Variants in SRSF11 observed in about 807,000 individuals in gnomAD.
SRSF11 encodes the protein serine/arginine-rich splicing factor 11.
Under a neutral mutation model 56.0 loss-of-function variants are expected in SRSF11, and 9 were observed. That is an observed-to-expected ratio of 0.16 (90% CI 0.10 to 0.28). SRSF11 has a LOEUF of 0.28. Among genes scored for constraint, SRSF11 ranks in the 10% least tolerant of loss-of-function variants. The pLI is 1.00. For synonymous variants in SRSF11, 222 were observed against 215.3 expected (o/e 1.03, Z -0.27); for missense variants, 421 against 600.7 (o/e 0.70, Z 3.13).
At chr1:70,214,705 G>T (rs1401481855) in intron 1 of SRSF11, among the ~76,000 whole-genome samples, 1 of 152,056 alleles carries the variant, frequency 6.6e-6, no homozygotes, top group African/African-American at 2.4e-5. Flanking sequence ...CTGTCAGTCA[G>T]TCCCCTAGTG....
At chr1:70,211,018 T>C (rs1479663273) in intron 1 of SRSF11, among the ~76,000 whole-genome samples, 1 of 152,232 alleles carries the variant, frequency 6.6e-6, no homozygotes, top group Non-Finnish European at 1.5e-5. Context: ...TGTTTATCGG[T>C]TCTTAAATCA....
intron 1 of SRSF11, among the ~76,000 whole-genome samples, chr1:70,208,604 C>T (rs1669272628): frequency 6.6e-6 from 1 of 151,798 alleles, no homozygotes; most frequent in South Asian, 2.1e-4. Context: ...CCCGAAATTG[C>T]GGGAATTACA....
chr1:70,240,402 G>A (rs575525358), intron 7 of SRSF11, among the ~76,000 whole-genome samples: 4 of 152,148 alleles, frequency 2.6e-5, no homozygotes, highest in African/African-American at 7.2e-5. Context: ...GATTTGTGTT[G>A]AAGAGTCAGT....
intron 1 of SRSF11, 34 bp downstream of exon 1, chr1:70,221,873 C>A: frequency 6.2e-7 from 1 of 1,611,966 alleles, no homozygotes; most frequent in Non-Finnish European, 8.5e-7. Flanking sequence ...TTCCTGCTAA[C>A]GCCGCCTCAG....
chr1:70,221,765 C>T lies in SRSF11; in HGVS notation c.129C>T (p.Ser43=). ...EVIQVTNVSP[S]ASSEQMRTLF... Reference sequence around the variant, plus strand: ...TCCAGGTGACTAATGTCTCCCCGAGCGCTAGCTCTGAGCAGATGCGGACTC... The same window carrying T: ...TCCAGGTGACTAATGTCTCCCCGAGTGCTAGCTCTGAGCAGATGCGGACTC... Residue 43 remains serine (S), a synonymous_variant, in exon 1 of 12, where the codon AGC becomes AGT. Coordinates refer to ENST00000370949, the MANE Select transcript of SRSF11 (RefSeq NM_001350605.2). 2 of 1,614,160 alleles carry T rather than the reference C, an allele frequency of 1.2e-6. No homozygotes were observed. The highest frequency in any genetic ancestry group is 1.7e-6 in the Non-Finnish European group (2 of 1,180,034).
intron 2 of SRSF11, chr1:70,230,901 A>T (rs771793129): frequency 3.4e-6 from 4 of 1,191,326 alleles, no homozygotes; most frequent in Admixed American, 7.5e-5. Flanking sequence ...TTACTGCCCT[A>T]TATCTAAATG....
In SRSF11 at chr1:70,252,358, A is replaced by G. The variant is rs1678078890; in HGVS notation, c.*1553A>G. 1.3e-5 allele frequency: 2 copies of G among 152,158 alleles called. No homozygotes were observed. Among genetic ancestry groups the G allele is most frequent in the Admixed American group, 1.3e-4 (2 of 15,280 alleles). 9.4% of individuals were successfully genotyped at this position (152,158 alleles called of 1,614,324 possible). A position where few individuals can be genotyped will look rare whatever the true frequency, so the allele number is the denominator to read the frequency against. ...TTCTGGAGTAGTATAGAAGCTGTCA[A>G]TATGTATCTACTGTACAGTACTAAA... On this transcript the variant is annotated 3_prime_UTR_variant, in exon 12 of 12. Coordinates refer to ENST00000370949, the MANE Select transcript of SRSF11 (RefSeq NM_001350605.2).
intron 1 of SRSF11, among the ~76,000 whole-genome samples, chr1:70,211,883 G>A (rs552778442): frequency 6.6e-6 from 1 of 152,092 alleles, no homozygotes; most frequent in South Asian, 2.1e-4. Flanking sequence ...CAACTTTATG[G>A]CCATCTTAGA....
At chr1:70,230,037 A>G in intron 2 of SRSF11, 1 of 985,442 alleles carries the variant, frequency 1.0e-6, no homozygotes, top group Non-Finnish European at 1.2e-6. Flanking sequence ...GTCTTGGAAC[A>G]AGGGTCAAAT....
intron 1 of SRSF11, among the ~76,000 whole-genome samples, chr1:70,209,740 C>CT (rs923729248): frequency 0.025 from 679 of 27,460 alleles, 196 homozygotes; most frequent in Non-Finnish European, 0.029. Flanking sequence ...CACCTCGCTT[C>CT]TTTTTTTTTT....
chr1:70,225,414 A>G (rs1671547597), intron 1 of SRSF11, among the ~76,000 whole-genome samples: 1 of 152,156 alleles, frequency 6.6e-6, no homozygotes, highest in African/African-American at 2.4e-5. Flanking sequence ...TCAGCAGTCA[A>G]GTTTTCAGGT....
At chr1:70,247,146 A>G (rs936695585) in intron 9 of SRSF11, 10 of 1,030,732 alleles carry the variant, frequency 9.7e-6, no homozygotes, top group African/African-American at 1.7e-5. Context: ...GGAATTCAAG[A>G]GAGGTGAGTT....
At chr1:70,224,814 T>G (rs1558163156) in intron 1 of SRSF11, among the ~76,000 whole-genome samples, 1 of 152,212 alleles carries the variant, frequency 6.6e-6, no homozygotes, top group Non-Finnish European at 1.5e-5. Flanking sequence ...ATATACTCTT[T>G]GTTAAACTGT....
At chr1:70,220,798 C>G (rs1217168570), upstream of SRSF11, 2 of 151,966 alleles carry the variant, frequency 1.3e-5, no homozygotes, top group African/African-American at 2.4e-5. Flanking sequence ...TGCAGCGAGC[C>G]AAGATGGTGC....
In SRSF11 at chr1:70,234,748, T is replaced by A. The variant is rs1345821654; in HGVS notation, c.500T>A (p.Leu167His). ...ALGAPTLDPALAALGLPGANL... is the reference protein window; with the variant it reads ...ALGAPTLDPAHAALGLPGANL... ...GGGGCTCCTACTCTTGATCCTGCCCTTGCTGCACTTGGGCTTCCTGGAGCA... is the reference window on the plus strand; with the variant it reads ...GGGGCTCCTACTCTTGATCCTGCCCATGCTGCACTTGGGCTTCCTGGAGCA... The change falls in exon 4 of 12, where the codon CTT (leucine) becomes CAT (histidine). Residue 167 changes from leucine (L) to histidine (H), a missense_variant. Transcript: ENST00000370949. 1 of 1,610,978 alleles carries A rather than the reference T, an allele frequency of 6.2e-7. No individual in the cohort carries two copies. The highest frequency in any genetic ancestry group is 1.7e-5 in the Admixed American group (1 of 59,712).
intron 7 of SRSF11, among the ~76,000 whole-genome samples, chr1:70,240,173 T>C (rs1164583659): frequency 6.6e-6 from 1 of 152,252 alleles, no homozygotes. Flanking sequence ...ATGCATACTT[T>C]CCATTTCATC....
rs1670605535 is a variant in SRSF11, at chr1:70,221,500, G to T, written c.-137G>T. Reference sequence around the variant, plus strand: ...GCGGAGAAACGGCGGCGGCGGCGGCGGCATCGGCAGCAGTAGCAGAGGCTG... The same window carrying T: ...GCGGAGAAACGGCGGCGGCGGCGGCTGCATCGGCAGCAGTAGCAGAGGCTG... On this transcript the variant is annotated 5_prime_UTR_variant, in exon 1 of 12. Coordinates refer to ENST00000370949, the MANE Select transcript of SRSF11 (RefSeq NM_001350605.2). The T allele has an allele frequency of 1.2e-5, 15 of 1,241,928 alleles. 1 individual carries two copies. In the South Asian group the frequency reaches 2.4e-4, roughly 20 times the overall value. 76.9% of individuals were successfully genotyped at this position (1,241,928 alleles called of 1,614,324 possible). A position where few individuals can be genotyped will look rare whatever the true frequency, so the allele number is the denominator to read the frequency against.
intron 3 of SRSF11, among the ~76,000 whole-genome samples, chr1:70,233,024 A>G (rs1417352167): frequency 3.3e-5 from 5 of 152,190 alleles, no homozygotes; most frequent in Non-Finnish European, 5.9e-5. Flanking sequence ...CATTCTTTCT[A>G]GTGTATCATT....
intron 2 of SRSF11, chr1:70,229,896 G>T (rs938153971): frequency 5.1e-6 from 5 of 985,268 alleles, no homozygotes; most frequent in Non-Finnish European, 6.0e-6. Flanking sequence ...GTAATGTATA[G>T]ATAGATAAAT....
Sources: allele counts gnomAD v4.1 joint callset (sites outside exome capture counted in the v4.1 genomes callset), GRCh38; gene constraint gnomAD v4.1.1; transcripts MANE v1.5; gene names NCBI Gene and HGNC (gene_info 2026-07-23, HGNC 2026-07-21).